The following MACROH2A1 variants were observed in gnomAD, a reference collection of about 807,000 sequenced individuals.
MACROH2A1 encodes the protein macroH2A.1 histone, also known as core histone macro-H2A.1.
In MACROH2A1, 2 loss-of-function variants were observed where a neutral mutation model predicts 31.6. The observed-to-expected ratio is 0.06, with a 90% CI of 0.03 to 0.20. The LOEUF is 0.20. MACROH2A1 is among the 10% of genes least tolerant of loss of function. MACROH2A1 has a pLI of 1.00. For synonymous variants in MACROH2A1, 169 were observed against 189.6 expected (o/e 0.89, Z 0.89); for missense variants, 230 against 474.0 (o/e 0.49, Z 4.78).
rs56883852 is a variant in MACROH2A1, at chr5:135,343,927, C to T, written c.779-493G>A. ...CCAAACCCAATTCAGGACAAAGCTACTAGGAAAGCAACTGCTTTAAATGAT... is the reference window on the plus strand; with the variant it reads ...CCAAACCCAATTCAGGACAAAGCTATTAGGAAAGCAACTGCTTTAAATGAT... On this transcript the variant is annotated intron_variant, in intron 7 of 8. Transcript: ENST00000511689. The T allele has an allele frequency of 4.6e-3, 791 of 172,456 alleles. 8 individuals are homozygous for T. Among genetic ancestry groups the T allele is most frequent in the African/African-American group, 0.017 (728 of 42,148 alleles). The allele number at this position is 172,456 out of a possible 1,614,324, so 10.7% of individuals were successfully genotyped here. A position where few individuals can be genotyped will look rare whatever the true frequency, so the allele number is the denominator to read the frequency against.
chr5:135,366,245 A>G (rs555350020), intron 4 of MACROH2A1, among the ~76,000 whole-genome samples: 2 of 152,306 alleles, frequency 1.3e-5, no homozygotes, highest in African/African-American at 4.8e-5. Context: ...GAATGGACTA[A>G]TTCAGCTGGC....
chr5:135,336,552 G>A (rs1758716089), intron 8 of MACROH2A1, among the ~76,000 whole-genome samples: 1 of 149,792 alleles, frequency 6.7e-6, no homozygotes, highest in Non-Finnish European at 1.5e-5. Context: ...CTCTTCCCAT[G>A]AGAGGGGTCA....
At chr5:135,367,662 A>G (rs898195143) in intron 4 of MACROH2A1, among the ~76,000 whole-genome samples, 1 of 152,212 alleles carries the variant, frequency 6.6e-6, no homozygotes, top group Non-Finnish European at 1.5e-5. Flanking sequence ...CAGTGAACGC[A>G]TGAAGGAGGG....
intron 1 of MACROH2A1, among the ~76,000 whole-genome samples, chr5:135,395,067 AG>A (rs1020861953): frequency 3.3e-5 from 5 of 152,324 alleles, no homozygotes; most frequent in African/African-American, 1.2e-4. Flanking sequence ...TTCTCAGGAA[AG>A]GAACACTCCA....
intron 8 of MACROH2A1, among the ~76,000 whole-genome samples, chr5:135,336,774 G>A (rs1758781820): frequency 6.6e-6 from 1 of 152,254 alleles, no homozygotes; most frequent in Admixed American, 6.5e-5. Flanking sequence ...ACACCAGGCA[G>A]AGCTGCCCTG....
At chr5:135,380,305 A>T (rs920411580) in intron 2 of MACROH2A1, among the ~76,000 whole-genome samples, 23 of 152,116 alleles carry the variant, frequency 1.5e-4, no homozygotes, top group African/African-American at 5.3e-4. Context: ...GTACCCTACA[A>T]ATCTGTGGAA....
At chr5:135,348,796 T>G (rs1349896250) in intron 6 of MACROH2A1, among the ~76,000 whole-genome samples, 1 of 152,236 alleles carries the variant, frequency 6.6e-6, no homozygotes, top group Non-Finnish European at 1.5e-5. Flanking sequence ...TGTCTGAACC[T>G]GCTGAGGATT....
intron 2 of MACROH2A1, among the ~76,000 whole-genome samples, chr5:135,376,884 C>T (rs768272595): frequency 1.3e-5 from 2 of 152,158 alleles, no homozygotes; most frequent in African/African-American, 2.4e-5. Flanking sequence ...TCCTTTGCCT[C>T]GATTTCCTCT....
At chr5:135,379,259 C>T (rs758766130) in intron 2 of MACROH2A1, among the ~76,000 whole-genome samples, 10 of 152,146 alleles carry the variant, frequency 6.6e-5, no homozygotes, top group Non-Finnish European at 1.3e-4. Flanking sequence ...CAGCACCAGG[C>T]GCTACTATCG....
chr5:135,342,572 T>C (rs1760076971), intron 8 of MACROH2A1, among the ~76,000 whole-genome samples: 3 of 152,218 alleles, frequency 2.0e-5, no homozygotes, highest in Non-Finnish European at 4.4e-5. Context: ...CCTCCGGGTA[T>C]GTGTATGTCT....
intron 4 of MACROH2A1, among the ~76,000 whole-genome samples, chr5:135,363,937 T>C (rs1763166718): frequency 6.6e-6 from 1 of 152,260 alleles, no homozygotes; most frequent in African/African-American, 2.4e-5. Context: ...ATGATGAGCA[T>C]TTTTTCATGT....
chr5:135,355,050 T>G (rs1287895768), intron 5 of MACROH2A1: 2 of 455,842 alleles, frequency 4.4e-6, no homozygotes, highest in Non-Finnish European at 8.8e-6. Context: ...ATTGTATAGA[T>G]GCTTCTGGTG....
At chr5:135,399,364 C>T (rs1768546038), upstream of MACROH2A1, 9 of 152,332 alleles carry the variant, frequency 5.9e-5, no homozygotes, top group Admixed American at 5.9e-4. This position sits in a 1 kb window ranked among gnomAD's most constrained non-coding sequence, Gnocchi z 4.5. Context: ...CGCGCCCTAC[C>T]CGTTGACGCC....
chr5:135,360,788 G>A, intron 4 of MACROH2A1, 181 bp from the exon 5 acceptor site: 1 of 698,348 alleles, frequency 1.4e-6, no homozygotes, highest in East Asian at 2.7e-5. Flanking sequence ...GTTCTGTGGA[G>A]TGTGTTAAGT....
At chr5:135,350,687 G>A (rs1761417095) in intron 6 of MACROH2A1, 2 of 583,286 alleles carry the variant, frequency 3.4e-6, no homozygotes, top group East Asian at 5.7e-5. Context: ...TCACAACCCA[G>A]GGACAGGAGA....
At chr5:135,367,905 G>A (rs983812035) in intron 4 of MACROH2A1, among the ~76,000 whole-genome samples, 1 of 152,214 alleles carries the variant, frequency 6.6e-6, no homozygotes. Context: ...TATGTTGAAA[G>A]GGAAAAAGAA....
chr5:135,380,429 G>A (rs1405183757), intron 2 of MACROH2A1, among the ~76,000 whole-genome samples: 1 of 152,194 alleles, frequency 6.6e-6, no homozygotes, highest in African/African-American at 2.4e-5. Context: ...CACTGCAGTG[G>A]TCAGTGGTGA....
chr5:135,381,983 A>T (rs192684865), intron 2 of MACROH2A1, among the ~76,000 whole-genome samples: 340 of 152,378 alleles, frequency 2.2e-3, no homozygotes, highest in Non-Finnish European at 4.0e-3. Context: ...GACACTTATC[A>T]CCAAAAGACC....
chr5:135,361,146 C>A, intron 4 of MACROH2A1: 1 of 226,036 alleles, frequency 4.4e-6, no homozygotes. Context: ...TGTCTCCCTG[C>A]AGACCCCTTG....
Sources: gnomAD v4.1 joint callset for allele counts (sites outside exome capture counted in the v4.1 genomes callset) on GRCh38, gnomAD v4.1.1 for gene constraint, Gnocchi (gnomAD v3.1) non-coding constraint, MANE v1.5 for transcripts, NCBI Gene and HGNC (gene_info 2026-07-23, HGNC 2026-07-21) for gene names.